TENM2: variants seen among roughly 807,000 people sequenced by gnomAD.
TENM2 encodes teneurin-2.
A neutral mutation model predicts 245.2 loss-of-function variants in TENM2; 52 were observed. That is an observed-to-expected ratio of 0.21 (90% CI 0.17 to 0.27). The LOEUF (loss-of-function observed/expected upper bound fraction) is 0.27, where lower values mean the gene tolerates loss of function less well. TENM2 is among the 10% of genes least tolerant of loss of function. TENM2 has a pLI of 1.00. For synonymous variants in TENM2, 1,363 were observed against 1,438.9 expected (o/e 0.95, Z 1.19); for missense variants, 3,046 against 3,666.8 (o/e 0.83, Z 4.37).
In TENM2 at chr5:168,258,141, G is replaced by A. The variant is rs188228711; in HGVS notation, c.7433-2142G>A. Among the ~76,000 whole-genome samples, 27 of 152,244 alleles carry A rather than the reference G, an allele frequency of 1.8e-4. No individual in the cohort carries two copies. In the East Asian group the frequency reaches 2.9e-3, roughly 16 times the overall value. ...CACCTACACATACACACAAGAAAAC[G>A]GAAAACAGGCTTTCAAACAAAACTT... On this transcript the variant is annotated intron_variant, in intron 27 of 28. Transcript: ENST00000518659.
intron 1 of TENM2, among the ~76,000 whole-genome samples, chr5:167,343,294 C>G (rs1758237883): frequency 1.3e-5 from 2 of 152,118 alleles, no homozygotes; most frequent in African/African-American, 4.8e-5. Flanking sequence ...GCACTGGTTT[C>G]TTTACCTTGA....
intron 12 of TENM2, among the ~76,000 whole-genome samples, chr5:168,136,153 G>C (rs1755026599): frequency 6.6e-6 from 1 of 152,168 alleles, no homozygotes; most frequent in Admixed American, 6.5e-5. Context: ...AAGTTTTCAA[G>C]ATAGAACGGA....
At chr5:168,168,108 T>C (rs186965275) in intron 13 of TENM2, among the ~76,000 whole-genome samples, 18 of 152,296 alleles carry the variant, frequency 1.2e-4, no homozygotes, top group Admixed American at 7.8e-4. Flanking sequence ...AAAAGTCAGA[T>C]TTCTAAGCCC....
At chr5:167,835,024 A>C (rs918080218) in intron 2 of TENM2, among the ~76,000 whole-genome samples, 19 of 152,212 alleles carry the variant, frequency 1.2e-4, no homozygotes, top group African/African-American at 4.6e-4. Context: ...ATCAAGAAAT[A>C]TCTGGGTTCA....
chr5:168,142,170 A>G (rs2152402592), intron 12 of TENM2, among the ~76,000 whole-genome samples: 1 of 152,360 alleles, frequency 6.6e-6, no homozygotes, highest in South Asian at 2.1e-4. Flanking sequence ...GGTGAAACTC[A>G]GGGAGGCCCA....
the TENM2 span, among the ~76,000 whole-genome samples, chr5:167,196,821 G>A: frequency 6.6e-6 from 1 of 151,802 alleles, no homozygotes; most frequent in East Asian, 1.9e-4. Context: ...GAGGATGCGT[G>A]TAGGTTACAT....
Position 167,328,835 on chromosome 5 carries a change from A to C in TENM2, c.226+43772A>C, listed in dbSNP as rs78538749. On this transcript the variant is annotated intron_variant, in intron 1 of 28. Coordinates refer to ENST00000518659, the Ensembl canonical transcript of TENM2. ...ATACTCTATCCTGTTTCTCTGCTTTATTTTCTTTTTAGTGTTTATCAGTAT... is the reference window on the plus strand; with the variant it reads ...ATACTCTATCCTGTTTCTCTGCTTTCTTTTCTTTTTAGTGTTTATCAGTAT... Among the ~76,000 whole-genome samples, 1,100 of 151,644 alleles carry C rather than the reference A, an allele frequency of 7.3e-3. 16 individuals are homozygous for C. The highest frequency in any genetic ancestry group is 0.025 in the African/African-American group (1,049 of 41,344).
chr5:167,955,543 A>T (rs1780483307), intron 4 of TENM2, among the ~76,000 whole-genome samples: 1 of 152,126 alleles, frequency 6.6e-6, no homozygotes, highest in Non-Finnish European at 1.5e-5. Context: ...GTCTTTGCCC[A>T]TGCCTATGTC....
intron 2 of TENM2, among the ~76,000 whole-genome samples, chr5:167,834,640 CTTTTTTTT>C (rs555150513): frequency 1.4e-4 from 18 of 129,514 alleles, no homozygotes; most frequent in Middle Eastern, 4.2e-3. Flanking sequence ...TGTACAATTT[CTTTTTTTT>C]TTTTTTTTTT....
At chr5:167,418,028 CAAATT>C (rs2127417127) in intron 2 of TENM2, among the ~76,000 whole-genome samples, 1 of 152,272 alleles carries the variant, frequency 6.6e-6, no homozygotes, top group African/African-American at 2.4e-5. Flanking sequence ...AGACCACAAT[CAAATT>C]AAACTGCTTT....
chr5:168,100,863 T>C, intron 9 of TENM2, among the ~76,000 whole-genome samples: 1 of 151,278 alleles, frequency 6.6e-6, no homozygotes. Context: ...GCAAACCATA[T>C]GTATACCTAT....
chr5:168,067,149 T>C (rs1435433171), intron 7 of TENM2, among the ~76,000 whole-genome samples: 1 of 152,218 alleles, frequency 6.6e-6, no homozygotes, highest in East Asian at 1.9e-4. Context: ...TAAAAATGCC[T>C]ATTTCATCAC....
intron 2 of TENM2, among the ~76,000 whole-genome samples, chr5:167,634,774 G>A (rs1199322801): frequency 6.6e-6 from 1 of 152,008 alleles, no homozygotes; most frequent in African/African-American, 2.4e-5. Flanking sequence ...TCTACCCAGA[G>A]CAGTCATTCA....
chr5:167,325,944 A>G (rs1451680475), intron 1 of TENM2, among the ~76,000 whole-genome samples: 1 of 152,164 alleles, frequency 6.6e-6, no homozygotes, highest in Non-Finnish European at 1.5e-5. Context: ...TGGCATAGAG[A>G]GAGTAACTTT....
At chr5:168,076,492 G>A (rs1791490028) in intron 7 of TENM2, among the ~76,000 whole-genome samples, 1 of 152,022 alleles carries the variant, frequency 6.6e-6, no homozygotes, top group Non-Finnish European at 1.5e-5. Context: ...CCAAAGTGCT[G>A]GGATTACCGG....
the TENM2 span, among the ~76,000 whole-genome samples, chr5:167,226,009 T>A: frequency 6.6e-6 from 1 of 152,026 alleles, no homozygotes. Flanking sequence ...TCAGTTGTAA[T>A]GCATCCTTTT....
chr5:167,185,269 A>T, the TENM2 span, among the ~76,000 whole-genome samples: 1 of 152,106 alleles, frequency 6.6e-6, no homozygotes, highest in East Asian at 1.9e-4. Context: ...TAACCCATTT[A>T]ACACACCAGT....
At chr5:168,207,347 CACA>C (rs1762431379) in intron 19 of TENM2, among the ~76,000 whole-genome samples, 1 of 152,122 alleles carries the variant, frequency 6.6e-6, no homozygotes, top group Non-Finnish European at 1.5e-5. Context: ...TTGTGGAGGC[CACA>C]ACGTCAATGG....
At position 167,472,939 on chromosome 5, in the gene TENM2, G is replaced by A. The variant is rs574639775; in HGVS notation, c.502+97466G>A. 5.9e-5 allele frequency among the ~76,000 whole-genome samples: 9 copies of A among 152,102 alleles called. No individual in the cohort carries two copies. In the East Asian group the frequency reaches 1.5e-3, roughly 26 times the overall value. ...GCTGTGACTTTCAGTGTGACCTTGA[G>A]GAATTTAATAACTTTTCTATGTCCC... On this transcript the variant is annotated intron_variant, in intron 2 of 28. Transcript: ENST00000518659.
Sources: gnomAD v4.1 joint callset for allele counts (sites outside exome capture counted in the v4.1 genomes callset) on GRCh38, gnomAD v4.1.1 for gene constraint, MANE v1.5 for transcripts, NCBI Gene and HGNC (gene_info 2026-07-23, HGNC 2026-07-21) for gene names.